Variants in SNX4 observed in about 807,000 individuals in gnomAD.
The protein encoded by SNX4 is sorting nexin 4.
SNX4 carries 49 observed loss-of-function variants against 70.8 expected under a neutral mutation model. That is an observed-to-expected ratio of 0.69 (90% confidence interval 0.55 to 0.88). SNX4 has a LOEUF of 0.88. Among genes scored for constraint, SNX4 ranks in the 40% least tolerant of loss-of-function variants. The pLI is 0.00. For synonymous variants in SNX4, 206 were observed against 183.8 expected (o/e 1.12, Z -0.98); for missense variants, 528 against 544.8 (o/e 0.97, Z 0.31).
chr3:125,450,835 T>A (rs1244878207), intron 13 of SNX4, among the ~76,000 whole-genome samples: 2 of 152,242 alleles, frequency 1.3e-5, no homozygotes, highest in African/African-American at 4.8e-5. Context: ...ATACCTGGAA[T>A]GGTATTTTAC....
At chr3:125,519,679 A>G (rs544854058) in intron 1 of SNX4, among the ~76,000 whole-genome samples, 1 of 152,004 alleles carries the variant, frequency 6.6e-6, no homozygotes, top group African/African-American at 2.4e-5. Flanking sequence ...CAGATCTCCC[A>G]GCTACGCGAC....
chr3:125,472,712 C>A (rs2107539528), intron 8 of SNX4, among the ~76,000 whole-genome samples: 1 of 152,140 alleles, frequency 6.6e-6, no homozygotes, highest in African/African-American at 2.4e-5. Flanking sequence ...ACCCCTCCCT[C>A]CAATCCCCCA....
chr3:125,480,920 C>G (rs1934396564), intron 6 of SNX4, among the ~76,000 whole-genome samples: 1 of 152,192 alleles, frequency 6.6e-6, no homozygotes, highest in South Asian at 2.1e-4. Context: ...AGATTCCATT[C>G]CAGCTACACC....
chr3:125,507,590 C>T (rs1935078136), intron 1 of SNX4, among the ~76,000 whole-genome samples: 1 of 152,162 alleles, frequency 6.6e-6, no homozygotes, highest in African/African-American at 2.4e-5. Context: ...CACTTTATAA[C>T]TTTTCAAAGA....
chr3:125,477,220 A>G (rs894457307), intron 7 of SNX4, among the ~76,000 whole-genome samples: 1 of 152,178 alleles, frequency 6.6e-6, no homozygotes, highest in African/African-American at 2.4e-5. Context: ...AAAATCCCCA[A>G]AGTGGAATTA....
At chr3:125,500,729 G>A (rs550294978) in intron 2 of SNX4, among the ~76,000 whole-genome samples, 353 of 149,880 alleles carry the variant, frequency 2.4e-3, no homozygotes, top group African/African-American at 8.3e-3. Context: ...AACCCCAGAG[G>A]GTGGAGGTTG....
intron 10 of SNX4, among the ~76,000 whole-genome samples, chr3:125,458,220 T>C (rs1030407931): frequency 3.3e-5 from 5 of 150,252 alleles, no homozygotes; most frequent in African/African-American, 1.2e-4. Flanking sequence ...TCACCCAGGC[T>C]GGAGGGCAAT....
At chr3:125,452,444 C>T (rs1242085540) in intron 12 of SNX4, among the ~76,000 whole-genome samples, 2 of 152,008 alleles carry the variant, frequency 1.3e-5, no homozygotes, top group East Asian at 1.9e-4. Context: ...CTTTTTTAGC[C>T]AGGCTTGGTA....
chr3:125,452,735 A>G (rs916621164), intron 12 of SNX4, among the ~76,000 whole-genome samples: 4 of 152,106 alleles, frequency 2.6e-5, no homozygotes, highest in African/African-American at 9.7e-5. Flanking sequence ...CTCCTGCCTC[A>G]GCCTCCCGAG....
intron 6 of SNX4, among the ~76,000 whole-genome samples, chr3:125,487,892 A>G (rs942086138): frequency 6.6e-6 from 1 of 152,040 alleles, no homozygotes; most frequent in Non-Finnish European, 1.5e-5. Flanking sequence ...ATAATGGTGG[A>G]TACACGTCAT....
chr3:125,510,032 G>T (rs1935137757), intron 1 of SNX4, among the ~76,000 whole-genome samples: 1 of 152,152 alleles, frequency 6.6e-6, no homozygotes. Context: ...TGCAGCTGCT[G>T]TAGAAAACAG....
At chr3:125,504,543 G>T in intron 2 of SNX4, 80 bp downstream of exon 2, 2 of 1,321,404 alleles carry the variant, frequency 1.5e-6, no homozygotes, top group Non-Finnish European at 2.1e-6. Context: ...AAAAAATTCT[G>T]TTATACAGCA....
At chr3:125,464,592 A>G (rs142022057) in intron 9 of SNX4, among the ~76,000 whole-genome samples, 1,674 of 49,982 alleles carry the variant, frequency 0.033, 66 homozygotes, top group African/African-American at 0.13. Flanking sequence ...TTTTTTTTTG[A>G]GACACAGTCT....
At chr3:125,504,295 T>C (rs904010338) in intron 2 of SNX4, among the ~76,000 whole-genome samples, 1 of 146,344 alleles carries the variant, frequency 6.8e-6, no homozygotes, top group African/African-American at 2.6e-5. Flanking sequence ...ATCATGCCAC[T>C]GCATTCTAGC....
At chr3:125,457,572 C>CTTTTTTTT (rs1005344428) in intron 10 of SNX4, among the ~76,000 whole-genome samples, 11 of 110,420 alleles carry the variant, frequency 1.0e-4, no homozygotes, top group Non-Finnish European at 1.3e-4. Context: ...TTCATATATT[C>CTTTTTTTT]TTTTTTTTTT....
At chr3:125,516,571 C>T (rs969067454) in intron 1 of SNX4, among the ~76,000 whole-genome samples, 1 of 152,110 alleles carries the variant, frequency 6.6e-6, no homozygotes, top group Non-Finnish European at 1.5e-5. Context: ...CCGGGCACAG[C>T]GGCTCACGCC....
intron 9 of SNX4, among the ~76,000 whole-genome samples, chr3:125,468,851 TAAA>T (rs58480078): frequency 1.1e-4 from 15 of 134,030 alleles, no homozygotes; most frequent in African/African-American, 1.7e-4. Context: ...CTAGTCTCTT[TAAA>T]AAAAAAAAAA....
chr3:125,504,729 A>G lies in SNX4; in HGVS notation c.157T>C (p.Phe53Leu), dbSNP rs760709499. Residue 53 changes from phenylalanine to leucine, a missense_variant, in exon 2 of 14, where the codon TTT becomes CTT. Physicochemically the swap from Phe to Leu is conservative, Grantham distance 22. Transcript: ENST00000251775. ...SGVDTMTHNN[F>L]WLKKIEISVS... ...CTGATTTCTATCTTCTTCAACCAAA[A>G]ATTATTGTGTGTCATCTGGACAAAA... 1.9e-5 allele frequency: 30 copies of G among 1,613,596 alleles called. No homozygotes were observed. The East Asian group carries it at 6.0e-4, about 32-fold the overall frequency.
intron 10 of SNX4, among the ~76,000 whole-genome samples, chr3:125,458,170 ATT>A (rs397875260): frequency 0.016 from 2,017 of 122,654 alleles, 30 homozygotes; most frequent in African/African-American, 0.049. Context: ...TCTATTAGGT[ATT>A]TTTTTTTTTT....
Sources: gnomAD v4.1 joint callset for allele counts (sites outside exome capture counted in the v4.1 genomes callset) on GRCh38, gnomAD v4.1.1 for gene constraint, MANE v1.5 for transcripts, NCBI Gene and HGNC (gene_info 2026-07-23, HGNC 2026-07-21) for gene names.